Variants in CCDC195 observed in about 807,000 individuals in gnomAD.
CCDC195 encodes coiled-coil domain-containing protein 195.
chr2:224,704,151 A>T (rs1697210276), intron 2 of CCDC195, among the ~76,000 whole-genome samples: 1 of 152,348 alleles, frequency 6.6e-6, no homozygotes, highest in African/African-American at 2.4e-5. Flanking sequence ...CTGAGGAATG[A>T]TTATTAGTTT....
intron 2 of CCDC195, among the ~76,000 whole-genome samples, chr2:224,707,209 G>T (rs1024935676): frequency 1.5e-5 from 2 of 134,062 alleles, no homozygotes; most frequent in African/African-American, 5.4e-5. Flanking sequence ...TCACAATAGG[G>T]TTTCCAACCC....
At chr2:224,710,873 G>C (rs1338934883) in intron 1 of CCDC195, among the ~76,000 whole-genome samples, 1 of 152,222 alleles carries the variant, frequency 6.6e-6, no homozygotes, top group African/African-American at 2.4e-5. Context: ...GATAGAGACA[G>C]ATGCAGGAAG....
intron 2 of CCDC195, among the ~76,000 whole-genome samples, chr2:224,704,605 C>A (rs368453479): frequency 9.1e-6 from 1 of 109,676 alleles, no homozygotes; most frequent in Non-Finnish European, 1.9e-5. Flanking sequence ...TTTTTCTTTT[C>A]TTTTCTTTTT....
rs1216354565 is a variant in CCDC195, at chr2:224,708,231, C to G, written c.482+1742G>C. On this transcript the variant is annotated intron_variant, in intron 2 of 2. Transcript: ENST00000638102. ...TTTTTGAATCTATTGGTGCATGTAA[C>G]ATTAATTTCTGAATATTTACAGAAA... Among the ~76,000 whole-genome samples the G allele has an allele frequency of 2.0e-5, 3 of 152,088 alleles. 1 individual carries two copies. Among genetic ancestry groups the G allele is most frequent in the Non-Finnish European group, 4.4e-5 (3 of 68,000 alleles).
chr2:224,709,336 C>T (rs1373957529), intron 2 of CCDC195, among the ~76,000 whole-genome samples: 1 of 152,072 alleles, frequency 6.6e-6, no homozygotes, highest in Non-Finnish European at 1.5e-5. Flanking sequence ...TGATCCAGCC[C>T]GCCTCGGCAT....
At chr2:224,710,802 A>G (rs1297489975) in intron 1 of CCDC195, among the ~76,000 whole-genome samples, 4 of 152,210 alleles carry the variant, frequency 2.6e-5, no homozygotes, top group Non-Finnish European at 5.9e-5. Flanking sequence ...TAAACAATAG[A>G]TGATAGAATT....
rs769499345 is a variant in CCDC195 at position 224,710,222 on chromosome 2, G to A, written c.236-3C>T. ...GCGTCTAACAATCATGACATTGCCT[G>A]TACAAAAGACACAAAATCCAACTTA... On this transcript the variant is annotated splice_polypyrimidine_tract_variant and splice_region_variant and intron_variant, in intron 1 of 2. Transcript: ENST00000638102. 38 of 398,268 alleles carry A rather than the reference G, an allele frequency of 9.5e-5. No individual in the cohort carries two copies. Among genetic ancestry groups the A allele is most frequent in the Admixed American group, 7.1e-4 (16 of 22,692 alleles). The allele number at this position is 398,268 out of a possible 1,614,324, so 24.7% of individuals were successfully genotyped here.
chr2:224,704,906 G>A (rs1697223793), intron 2 of CCDC195, among the ~76,000 whole-genome samples: 1 of 152,152 alleles, frequency 6.6e-6, no homozygotes, highest in African/African-American at 2.4e-5. Flanking sequence ...TCAGGCATGA[G>A]CCACCATTCC....
chr2:224,710,658 A>G (rs1311728724), intron 1 of CCDC195, among the ~76,000 whole-genome samples: 1 of 152,234 alleles, frequency 6.6e-6, no homozygotes, highest in Non-Finnish European at 1.5e-5. Context: ...AATAAACAAA[A>G]AGCATTCATT....
intron 1 of CCDC195, among the ~76,000 whole-genome samples, chr2:224,712,964 GT>G (rs1238044689): frequency 2.6e-5 from 4 of 152,002 alleles, no homozygotes; most frequent in Non-Finnish European, 5.9e-5. Context: ...CGCCTCCCGG[GT>G]TCAAGCGGTT....
chr2:224,712,640 T>C (rs1689329876), intron 1 of CCDC195, among the ~76,000 whole-genome samples: 1 of 152,196 alleles, frequency 6.6e-6, no homozygotes, highest in Admixed American at 6.5e-5. Context: ...AACTTTTAGC[T>C]CTAAGTGATC....
chr2:224,714,270 G>A (rs1449817701), intron 1 of CCDC195, among the ~76,000 whole-genome samples: 2 of 152,132 alleles, frequency 1.3e-5, no homozygotes, highest in African/African-American at 4.8e-5. Context: ...GCTTGATGAT[G>A]TTTAGACCCT....
intron 1 of CCDC195, among the ~76,000 whole-genome samples, chr2:224,712,599 C>G (rs1324791539): frequency 2.0e-5 from 3 of 152,192 alleles, no homozygotes; most frequent in Non-Finnish European, 4.4e-5. Context: ...CTCACTTTAT[C>G]TCACCACACA....
chr2:224,713,824 A>G (rs1689349871), intron 1 of CCDC195, among the ~76,000 whole-genome samples: 3 of 134,546 alleles, frequency 2.2e-5, no homozygotes, highest in African/African-American at 8.4e-5. Context: ...TTTTTTTGAG[A>G]CAAGGTCACT....
At chr2:224,715,554 C>A (rs1261290950) in intron 1 of CCDC195, among the ~76,000 whole-genome samples, 2 of 152,182 alleles carry the variant, frequency 1.3e-5, no homozygotes, top group African/African-American at 4.8e-5. Context: ...TGTGCCTTGG[C>A]CAGGTGCAAT....
intron 2 of CCDC195, among the ~76,000 whole-genome samples, chr2:224,704,101 A>G (rs1697209735): frequency 6.6e-6 from 1 of 152,252 alleles, no homozygotes; most frequent in Admixed American, 6.5e-5. Context: ...TAGTGTGGAT[A>G]AAACAAAAAC....
chr2:224,704,513 A>G (rs1697214387), intron 2 of CCDC195, among the ~76,000 whole-genome samples: 1 of 151,672 alleles, frequency 6.6e-6, no homozygotes, highest in Non-Finnish European at 1.5e-5. Context: ...CTTTTGTGGG[A>G]ACAAAGAGGG....
chr2:224,712,448 T>G (rs1198578380), intron 1 of CCDC195, among the ~76,000 whole-genome samples: 1 of 152,230 alleles, frequency 6.6e-6, no homozygotes, highest in Non-Finnish European at 1.5e-5. Flanking sequence ...CCATGAGCAT[T>G]TACCCAGCAA....
chr2:224,715,971 T>G (rs193072569), intron 1 of CCDC195, among the ~76,000 whole-genome samples, 160 bp downstream of exon 1: 78 of 152,348 alleles, frequency 5.1e-4, no homozygotes, highest in African/African-American at 1.7e-3. Context: ...AAAGCCATTT[T>G]TGTCTAGGGA....
Sources: allele counts gnomAD v4.1 joint callset (sites outside exome capture counted in the v4.1 genomes callset), GRCh38; gene constraint gnomAD v4.1.1; transcripts MANE v1.5; gene names NCBI Gene and HGNC (gene_info 2026-07-23, HGNC 2026-07-21).